KLHL29: variants seen among roughly 807,000 people sequenced by gnomAD.
KLHL29 encodes the protein kelch like family member 29, also known as kelch-like protein 29.
KLHL29 carries 21 observed loss-of-function variants against 80.4 expected under a neutral mutation model. The ratio of observed to expected loss-of-function variants is 0.26; its 90% CI spans 0.19 to 0.38. The LOEUF (loss-of-function observed/expected upper bound fraction) is 0.38, where lower values mean the gene tolerates loss of function less well. Among genes scored for constraint, KLHL29 ranks in the 10% least tolerant of loss-of-function variants. The pLI is 1.00. For synonymous variants in KLHL29, 511 were observed against 526.8 expected, an observed-to-expected ratio of 0.97 and a Z score of 0.41; for missense variants, 867 against 1,223.9, an observed-to-expected ratio of 0.71 and a Z score of 4.35.
chr2:23,420,987 GC>G (rs1240299552), intron 1 of KLHL29, among the ~76,000 whole-genome samples: 8 of 152,138 alleles, frequency 5.3e-5, no homozygotes, highest in African/African-American at 1.9e-4. Context: ...CAGGCGCCAG[GC>G]CAGGGGCTTT....
At chr2:23,407,283 T>C (rs928991642) in intron 1 of KLHL29, among the ~76,000 whole-genome samples, 3 of 152,188 alleles carry the variant, frequency 2.0e-5, no homozygotes, top group African/African-American at 7.2e-5. Flanking sequence ...GAGCAGCATG[T>C]GAATACTCAC....
chr2:23,685,127 T>A (rs1671203577), intron 6 of KLHL29, among the ~76,000 whole-genome samples: 1 of 152,256 alleles, frequency 6.6e-6, no homozygotes, highest in African/African-American at 2.4e-5. Context: ...ACCGGCGCTG[T>A]GGAGCATAGA....
At chr2:23,482,075 AT>A (rs1304374530) in intron 2 of KLHL29, among the ~76,000 whole-genome samples, 121 of 152,262 alleles carry the variant, frequency 7.9e-4, no homozygotes, top group African/African-American at 2.8e-3. Flanking sequence ...CCTCAGTCCC[AT>A]GCTAAACAGC....
chr2:23,673,816 G>A (rs987311402), intron 5 of KLHL29, among the ~76,000 whole-genome samples: 16 of 151,584 alleles, frequency 1.1e-4, no homozygotes, highest in Admixed American at 2.0e-4. Context: ...GCATACACAC[G>A]CCCTCCATGT....
intron 2 of KLHL29, among the ~76,000 whole-genome samples, chr2:23,486,948 G>T (rs994114334): frequency 6.6e-6 from 1 of 152,180 alleles, no homozygotes; most frequent in Non-Finnish European, 1.5e-5. Flanking sequence ...GCACTTTCTC[G>T]TGGAATCCTC....
chr2:23,609,947 T>A (rs1369516073), intron 3 of KLHL29, among the ~76,000 whole-genome samples: 2 of 152,142 alleles, frequency 1.3e-5, no homozygotes, highest in East Asian at 3.9e-4. Flanking sequence ...TCCACACTAC[T>A]GTCTTCAGTG....
At chr2:23,526,386 A>G (rs993582960) in intron 2 of KLHL29, among the ~76,000 whole-genome samples, 1 of 152,234 alleles carries the variant, frequency 6.6e-6, no homozygotes. Context: ...GCAGCGGGAC[A>G]GCCCATGCGT....
At position 23,633,102 on chromosome 2, in the gene KLHL29, T is replaced by C. The variant is rs533481941; in HGVS notation, c.286-6037T>C. ...GGTGGGATGGGCACACCAAAGCTTG[T>C]CTTCCCCAAATGGGCTGGGTGTTGT... is the stretch of plus-strand genomic sequence containing the variant. On this transcript the variant is annotated intron_variant, in intron 3 of 13. Transcript: ENST00000486442. 3.3e-5 allele frequency among the ~76,000 whole-genome samples: 5 copies of C among 152,288 alleles called. No homozygotes were observed. In the East Asian group the frequency reaches 9.7e-4, roughly 29 times the overall value.
chr2:23,625,406 A>C (rs1237383418), intron 3 of KLHL29, among the ~76,000 whole-genome samples: 2 of 152,262 alleles, frequency 1.3e-5, no homozygotes, highest in African/African-American at 4.8e-5. Flanking sequence ...GGAAAATTGC[A>C]CAGGGGCACG....
At chr2:23,615,004 G>T (rs1357361717) in intron 3 of KLHL29, among the ~76,000 whole-genome samples, 1 of 152,232 alleles carries the variant, frequency 6.6e-6, no homozygotes, top group Non-Finnish European at 1.5e-5. Context: ...GCCCGTTCCA[G>T]CCATCAGGTC....
intron 3 of KLHL29, among the ~76,000 whole-genome samples, chr2:23,595,167 G>A (rs1000804303): frequency 6.6e-6 from 1 of 152,140 alleles, no homozygotes; most frequent in South Asian, 2.1e-4. Context: ...AGAGGCACCC[G>A]CAGAGGGCCT....
rs1558436661 is a variant in KLHL29 at position 23,680,180 on chromosome 2, T to G, written c.941-4219T>G. Among the ~76,000 whole-genome samples, 1 of 152,076 alleles carries G rather than the reference T, an allele frequency of 6.6e-6. No homozygotes were observed. The highest frequency in any genetic ancestry group is 1.5e-5 in the Non-Finnish European group (1 of 68,002). ...GATGAGGGCAGCTCACTCAGGGTGC[T>G]GGAGGGCCTAGGGCAGGAGAGGCTG... On this transcript the variant is annotated intron_variant, in intron 5 of 13. Coordinates refer to ENST00000486442, the MANE Select transcript of KLHL29 (RefSeq NM_052920.2). The surrounding 1 kb of genome is among the most constrained non-coding windows in gnomAD (Gnocchi z 4.1).
Position 23,706,467 on chromosome 2 carries a change from C to A in KLHL29, c.2445-14C>A. On this transcript the variant is annotated splice_polypyrimidine_tract_variant and intron_variant, in intron 13 of 13. Coordinates refer to ENST00000486442, the MANE Select transcript of KLHL29 (RefSeq NM_052920.2). Reference sequence around the variant, plus strand: ...AGTGAAATGCCTAACTCTGTCCCCGCTTTCCCCCAACAGTGCTGTGGTGCT... The same window carrying A: ...AGTGAAATGCCTAACTCTGTCCCCGATTTCCCCCAACAGTGCTGTGGTGCT... 1 of 1,466,106 alleles carries A rather than the reference C, an allele frequency of 6.8e-7. No homozygotes were observed. Among genetic ancestry groups the A allele is most frequent in the South Asian group, 1.4e-5 (1 of 72,814 alleles). 90.8% of individuals were successfully genotyped at this position (1,466,106 alleles called of 1,614,324 possible).
rs1217422868 is a variant in KLHL29, at chr2:23,597,309, ATGTG to A, written c.285+34862_285+34865del. On this transcript the variant is annotated intron_variant, in intron 3 of 13. Transcript: ENST00000486442. The stretch of plus-strand genomic sequence containing the variant: ...CTCTCTCTCTCTCATATATATATAT[ATGTG>A]TGTGTGTGTGTGTGTGTGTGTGTGT... 3.7e-3 allele frequency among the ~76,000 whole-genome samples: 369 copies of A among 100,508 alleles called. 2 individuals are homozygous for A. Among genetic ancestry groups the A allele is most frequent in the African/African-American group, 7.7e-3 (188 of 24,552 alleles). The allele number at this position is 100,508 out of a possible 152,430, so 65.9% of individuals were successfully genotyped here. A position where few individuals can be genotyped will look rare whatever the true frequency, so the allele number is the denominator to read the frequency against.
Position 23,570,046 on chromosome 2 carries a change from C to T in KLHL29, c.285+7565C>T, listed in dbSNP as rs543903568. 3.3e-5 allele frequency among the ~76,000 whole-genome samples: 5 copies of T among 152,300 alleles called. No homozygotes were observed. The South Asian group carries it at 6.2e-4, about 19-fold the overall frequency. On this transcript the variant is annotated intron_variant, in intron 3 of 13. Transcript: ENST00000486442. The stretch of plus-strand genomic sequence containing the variant: ...TTTAGGAGAATTCCGTGTACTGCTC[C>T]GGCTGCTGTCTCAACTAGTCGTGGC...
At chr2:23,490,375 C>T (rs1054214764) in intron 2 of KLHL29, among the ~76,000 whole-genome samples, 2 of 152,158 alleles carry the variant, frequency 1.3e-5, no homozygotes, top group South Asian at 2.1e-4. Flanking sequence ...TGACAACACT[C>T]GGACAGCACA....
At position 23,602,904 on chromosome 2, in the gene KLHL29, C is replaced by T. The variant is rs60180859; in HGVS notation, c.286-36235C>T. 8.2e-3 allele frequency among the ~76,000 whole-genome samples: 1,250 copies of T among 152,280 alleles called. 23 individuals are homozygous for T. Among genetic ancestry groups the T allele is most frequent in the African/African-American group, 0.029 (1,201 of 41,550 alleles). Reference sequence around the variant, plus strand: ...GTGAGATCAGGAAGCAGGAGAGGGTCTGCTCAGCCTAGGCCAGCTTGGACT... The same window carrying T: ...GTGAGATCAGGAAGCAGGAGAGGGTTTGCTCAGCCTAGGCCAGCTTGGACT... On this transcript the variant is annotated intron_variant, in intron 3 of 13. Transcript: ENST00000486442.
chr2:23,432,447 C>T (rs1183077295), intron 1 of KLHL29, among the ~76,000 whole-genome samples: 1 of 152,238 alleles, frequency 6.6e-6, no homozygotes, highest in Non-Finnish European at 1.5e-5. Context: ...TTTCCAGTCA[C>T]ATGCTGTGTG....
chr2:23,437,804 G>A (rs548920952), intron 1 of KLHL29, among the ~76,000 whole-genome samples: 16 of 152,232 alleles, frequency 1.1e-4, no homozygotes, highest in African/African-American at 3.9e-4. Flanking sequence ...CTCTTTTTTG[G>A]TTCCACATGA....
Sources: gnomAD v4.1 joint callset for allele counts (sites outside exome capture counted in the v4.1 genomes callset) on GRCh38, gnomAD v4.1.1 for gene constraint, Gnocchi (gnomAD v3.1) non-coding constraint, MANE v1.5 for transcripts, NCBI Gene and HGNC (gene_info 2026-07-23, HGNC 2026-07-21) for gene names.